Variants in MPC2 observed in about 807,000 individuals in gnomAD.
MPC2 encodes the protein brain protein 44.
In MPC2, 19 loss-of-function variants were observed where a neutral mutation model predicts 19.2. The ratio of observed to expected loss-of-function variants is 0.99; its 90% CI spans 0.69 to 1.45. MPC2 has a LOEUF of 1.45. Among genes scored for constraint, MPC2 ranks in the 40% most tolerant of loss-of-function variants. MPC2 has a pLI of 0.00. For synonymous variants in MPC2, 61 were observed against 54.3 expected (o/e 1.12, Z -0.54); for missense variants, 122 against 153.0 (o/e 0.80, Z 1.07).
At position 167,920,551 on chromosome 1, in the gene MPC2, A is replaced by C; in HGVS notation, c.231T>G (p.Ala77=). The change falls in exon 4 of 6, where the codon GCT becomes GCG. Residue 77 remains alanine, a synonymous_variant. Coordinates refer to ENST00000271373, the MANE Select transcript of MPC2 (RefSeq NM_001143674.4). ...GAAGATATTTATTTAATTTACCTGT[A>C]GCCATCAAAACAGCAGATTGAGCTG... ...LSTAQSAVLM[A]TGFIWSRYSL... 6.2e-7 allele frequency: 1 copy of C among 1,613,708 alleles called. No homozygotes were observed. Among genetic ancestry groups the C allele is most frequent in the Non-Finnish European group, 8.5e-7 (1 of 1,179,778 alleles).
chr1:167,929,811 A>G (rs984166394), intron 2 of MPC2, among the ~76,000 whole-genome samples: 5 of 152,312 alleles, frequency 3.3e-5, no homozygotes, highest in Non-Finnish European at 5.9e-5. Context: ...GGTATTCACT[A>G]TATCCCTCTG....
At chr1:167,932,962 G>A (rs200721271) in intron 2 of MPC2, among the ~76,000 whole-genome samples, 2 of 152,154 alleles carry the variant, frequency 1.3e-5, no homozygotes, top group East Asian at 3.9e-4. Context: ...GGGATAATGC[G>A]GGGACTGACA....
At chr1:167,924,419 AT>A in intron 3 of MPC2, 77 bp downstream of exon 3, 1 of 1,231,446 alleles carries the variant, frequency 8.1e-7, no homozygotes, top group Non-Finnish European at 1.2e-6. Flanking sequence ...TATATCCTTC[AT>A]AAAAGTTACT....
intron 2 of MPC2, among the ~76,000 whole-genome samples, chr1:167,930,502 G>C (rs1017168479): frequency 1.3e-5 from 2 of 152,126 alleles, no homozygotes; most frequent in African/African-American, 4.8e-5. Context: ...ATAATTATAT[G>C]ACTTTCCCCA....
At position 167,935,737 on chromosome 1, in the gene MPC2, T is replaced by C. The variant is rs770882889; in HGVS notation, c.105A>G (p.Pro35=). ...GAGCCATTCAGGGTCCATTACCTGC[T>C]GGATGGTTGTACAACGGCCTCAATT... ...PEKLRPLYNH[P]AGPRTVFFWA... The change falls in exon 2 of 6, where the codon CCA becomes CCG. Residue 35 remains proline (P), a synonymous_variant. Transcript: ENST00000271373. 1 of 1,560,370 alleles carries C rather than the reference T, an allele frequency of 6.4e-7. No individual in the cohort carries two copies. Among genetic ancestry groups the C allele is most frequent in the Non-Finnish European group, 8.7e-7 (1 of 1,151,542 alleles).
chr1:167,934,240 C>T (rs1005993004), intron 2 of MPC2, among the ~76,000 whole-genome samples: 1 of 152,132 alleles, frequency 6.6e-6, no homozygotes, highest in African/African-American at 2.4e-5. Context: ...GGTAAGACTA[C>T]CCTCCAATTT....
rs547803294 is a variant in MPC2 at position 167,918,888 on chromosome 1, C to T, written c.348-529G>A. On this transcript the variant is annotated intron_variant, in intron 5 of 5. Transcript: ENST00000271373. The stretch of plus-strand genomic sequence containing the variant: ...GATTACAGGAGTGAGCCACCATGCC[C>T]GGCCTGCCAAAAACTTTTAACAGCT... Among the ~76,000 whole-genome samples, 8 of 152,050 alleles carry T rather than the reference C, an allele frequency of 5.3e-5. No individual in the cohort carries two copies. In the South Asian group the frequency reaches 8.3e-4, roughly 16 times the overall value.
intron 2 of MPC2, among the ~76,000 whole-genome samples, chr1:167,925,598 G>A (rs1281486826): frequency 6.8e-6 from 1 of 146,200 alleles, no homozygotes; most frequent in Non-Finnish European, 1.5e-5. Flanking sequence ...CCAGGCTGGA[G>A]TGCAATGGCA....
At position 167,936,964 on chromosome 1, in the gene MPC2, C is replaced by A; in HGVS notation, c.-83G>T. 1 of 1,611,100 alleles carries A rather than the reference C, an allele frequency of 6.2e-7. No homozygotes were observed. Among genetic ancestry groups the A allele is most frequent in the South Asian group, 1.1e-5 (1 of 90,414 alleles). On this transcript the variant is annotated 5_prime_UTR_variant, in exon 1 of 6. Coordinates refer to ENST00000271373, the MANE Select transcript of MPC2 (RefSeq NM_001143674.4). ...CTGTTGTGGGACGTGAGGAAAAGGT[C>A]CCTCGGGCTGGAGGACCCGTCCCGG... is the stretch of plus-strand genomic sequence containing the variant.
chr1:167,937,009 G>A lies in MPC2; in HGVS notation c.-128C>T. The A allele has an allele frequency of 6.2e-7, 1 of 1,607,262 alleles. No homozygotes were observed. Among genetic ancestry groups the A allele is most frequent in the Non-Finnish European group, 8.5e-7 (1 of 1,177,580 alleles). Reference sequence around the variant, plus strand: ...TCCCGGCTGCGGAGTCGCTACCTGGGTGAGCGGGGGCCCCGGGGCGGAGGC... The same window carrying A: ...TCCCGGCTGCGGAGTCGCTACCTGGATGAGCGGGGGCCCCGGGGCGGAGGC... On this transcript the variant is annotated 5_prime_UTR_variant, in exon 1 of 6. Coordinates refer to ENST00000271373, the MANE Select transcript of MPC2 (RefSeq NM_001143674.4).
intron 2 of MPC2, among the ~76,000 whole-genome samples, chr1:167,932,808 CAA>C (rs965449372): frequency 2.2e-4 from 12 of 54,928 alleles, no homozygotes; most frequent in Non-Finnish European, 3.4e-4. Flanking sequence ...GACTCTGTCT[CAA>C]AAAAAAAAAA....
chr1:167,925,963 T>C (rs1670747538), intron 2 of MPC2, among the ~76,000 whole-genome samples: 1 of 152,256 alleles, frequency 6.6e-6, no homozygotes, highest in African/African-American at 2.4e-5. Flanking sequence ...GCTGATTTTC[T>C]AATTTAATCC....
In MPC2 at chr1:167,924,487, C is replaced by G. The variant is rs376307280; in HGVS notation, c.150+10G>C. 1.3e-6 allele frequency: 2 copies of G among 1,590,698 alleles called. No homozygotes were observed. Among genetic ancestry groups the G allele is most frequent in the Non-Finnish European group, 1.7e-6 (2 of 1,169,426 alleles). On this transcript the variant is annotated intron_variant, in intron 3 of 5. Transcript: ENST00000271373. ...TCTTTCAGTAGCTTCCGTAAAAACT[C>G]AAGACTTACCCATTTCATAATTGGA... is the stretch of plus-strand genomic sequence containing the variant.
chr1:167,927,134 T>C (rs1378204293), intron 2 of MPC2, among the ~76,000 whole-genome samples: 3 of 152,232 alleles, frequency 2.0e-5, no homozygotes, highest in African/African-American at 7.2e-5. Flanking sequence ...ATTCAAACTT[T>C]CTGTCTGACC....
chr1:167,936,905 C>T (rs1204932367), intron 1 of MPC2, 34 bp downstream of exon 1: 1 of 1,595,292 alleles, frequency 6.3e-7, no homozygotes, highest in Non-Finnish European at 8.5e-7. Context: ...CCGGCTCAGG[C>T]AGAGCCATGT....
At chr1:167,922,959 T>C (rs759138916) in intron 3 of MPC2, among the ~76,000 whole-genome samples, 29 of 152,296 alleles carry the variant, frequency 1.9e-4, no homozygotes, top group African/African-American at 6.7e-4. Flanking sequence ...ATGTTCAGCA[T>C]GACTAATCAT....
At chr1:167,936,049 C>A in intron 1 of MPC2, 151 bp from the exon 2 acceptor site, 1 of 586,584 alleles carries the variant, frequency 1.7e-6, no homozygotes, top group Non-Finnish European at 3.1e-6. Flanking sequence ...CGGAGGCTGC[C>A]GACTGCCAGC....
intron 3 of MPC2, among the ~76,000 whole-genome samples, chr1:167,921,824 G>T (rs1293355281): frequency 1.3e-5 from 2 of 152,034 alleles, no homozygotes; most frequent in African/African-American, 4.8e-5. Context: ...ACAAATAAAA[G>T]ATTTAGCTTT....
At chr1:167,935,024 G>A (rs950482590) in intron 2 of MPC2, among the ~76,000 whole-genome samples, 5 of 152,000 alleles carry the variant, frequency 3.3e-5, no homozygotes, top group African/African-American at 4.8e-5. Flanking sequence ...AAGCACATAT[G>A]TTATCTGTCA....
Sources: allele counts gnomAD v4.1 joint callset (sites outside exome capture counted in the v4.1 genomes callset), GRCh38; gene constraint gnomAD v4.1.1; transcripts MANE v1.5; gene names NCBI Gene and HGNC (gene_info 2026-07-23, HGNC 2026-07-21).